TSPEAR: variants seen among roughly 807,000 people sequenced by gnomAD.
The protein encoded by TSPEAR is thrombospondin-type laminin G domain and EAR repeat-containing protein.
TSPEAR carries 69 observed loss-of-function variants against 71.6 expected under a neutral mutation model. The ratio of observed to expected loss-of-function variants is 0.96; its 90% confidence interval spans 0.79 to 1.18. TSPEAR has a LOEUF of 1.18. Ranked by LOEUF, TSPEAR falls within the 50% of genes most tolerant of loss-of-function variation. The pLI is 0.00. For missense variants in TSPEAR, 971 were observed against 894.9 expected, an observed-to-expected ratio of 1.09 and a Z score of -1.09; for synonymous variants, 402 against 387.2, an observed-to-expected ratio of 1.04 and a Z score of -0.45.
chr21:44,568,679 G>A (rs1555922108), intron 1 of TSPEAR, among the ~76,000 whole-genome samples: 1 of 152,204 alleles, frequency 6.6e-6, no homozygotes, highest in Non-Finnish European at 1.5e-5. Flanking sequence ...CTGCAGATCA[G>A]ATCCCTGGCC....
chr21:44,539,726 C>G, intron 2 of TSPEAR: 2 of 1,610,178 alleles, frequency 1.2e-6, no homozygotes, highest in Non-Finnish European at 1.7e-6. Context: ...AACAGGCACA[C>G]AGCAGGACTG....
intron 1 of TSPEAR, among the ~76,000 whole-genome samples, chr21:44,653,707 A>C (rs782143768): frequency 2.6e-5 from 4 of 152,340 alleles, no homozygotes; most frequent in African/African-American, 9.6e-5. Flanking sequence ...ATTTGTCCTC[A>C]ATCTCACCCA....
At chr21:44,583,722 C>T (rs587758918) in intron 1 of TSPEAR, among the ~76,000 whole-genome samples, 7 of 152,174 alleles carry the variant, frequency 4.6e-5, no homozygotes, top group Admixed American at 1.3e-4. Context: ...ATCCCTTTTT[C>T]CCCAGCTTTA....
In TSPEAR at chr21:44,612,619, C is replaced by T. The variant is rs782680735; in HGVS notation, c.83-44614G>A. ...GCTGTGTGCCCATCTGCTGCAAGCCCATCTGCTGTGTGCCTGTCTGCTCTG... is the reference window on the plus strand; with the variant it reads ...GCTGTGTGCCCATCTGCTGCAAGCCTATCTGCTGTGTGCCTGTCTGCTCTG... On this transcript the variant is annotated intron_variant, in intron 1 of 11. Transcript: ENST00000323084. The surrounding 1 kb of genome is among the most constrained non-coding windows in gnomAD (Gnocchi z 4.1). 2 of 1,613,922 alleles carry T rather than the reference C, an allele frequency of 1.2e-6. No homozygotes were observed. The highest frequency in any genetic ancestry group is 2.2e-5 in the East Asian group (1 of 44,888).
intron 1 of TSPEAR, chr21:44,702,740 GC>G: frequency 3.5e-6 from 5 of 1,423,292 alleles, no homozygotes; most frequent in Non-Finnish European, 4.9e-6. Flanking sequence ...CTCCTCTGCC[GC>G]CGTGTGTGCT....
chr21:44,513,765 CAGGGG>C (rs782202429), intron 9 of TSPEAR, among the ~76,000 whole-genome samples: 15 of 152,260 alleles, frequency 9.9e-5, no homozygotes, highest in Admixed American at 3.3e-4. Context: ...CTGGGAATGC[CAGGGG>C]AGGGGAGGGA....
At chr21:44,532,507 G>A (rs782752092) in intron 3 of TSPEAR, among the ~76,000 whole-genome samples, 1 of 152,230 alleles carries the variant, frequency 6.6e-6, no homozygotes, top group Non-Finnish European at 1.5e-5. Flanking sequence ...TAAAGAGTTT[G>A]GGGTATGGTG....
intron 1 of TSPEAR, among the ~76,000 whole-genome samples, chr21:44,625,096 G>A (rs932913870): frequency 3.9e-5 from 6 of 152,232 alleles, no homozygotes; most frequent in Non-Finnish European, 8.8e-5. Flanking sequence ...ATTACTCTTC[G>A]ATAATTTCTC....
intron 1 of TSPEAR, chr21:44,647,534 A>G: frequency 1.3e-6 from 1 of 753,576 alleles, no homozygotes. Context: ...GAGACAACCC[A>G]CAAATCCCTC....
chr21:44,654,278 A>G, intron 1 of TSPEAR: 1 of 1,612,786 alleles, frequency 6.2e-7, no homozygotes. Flanking sequence ...CCACCTGCTC[A>G]GCAGCCAGTG....
chr21:44,638,005 T>G (rs782330339), intron 1 of TSPEAR: 1 of 1,613,094 alleles, frequency 6.2e-7, no homozygotes, highest in Non-Finnish European at 8.5e-7. Flanking sequence ...TCTGCCACCC[T>G]GTGTGCAAGT....
intron 1 of TSPEAR, among the ~76,000 whole-genome samples, chr21:44,696,646 CAAG>C (rs1326849540): frequency 2.0e-5 from 3 of 152,310 alleles, no homozygotes; most frequent in African/African-American, 4.8e-5. Flanking sequence ...GAATATAAAA[CAAG>C]AAGAAAAACA....
intron 1 of TSPEAR, among the ~76,000 whole-genome samples, chr21:44,597,180 T>G (rs1372943552): frequency 2.0e-5 from 3 of 152,054 alleles, no homozygotes; most frequent in Non-Finnish European, 4.4e-5. Context: ...AAAAACAGTT[T>G]TTTATTTTAA....
chr21:44,561,723 C>T (rs987077984), intron 2 of TSPEAR, among the ~76,000 whole-genome samples: 4 of 152,126 alleles, frequency 2.6e-5, no homozygotes, highest in Non-Finnish European at 4.4e-5. Context: ...GAACCAATGA[C>T]GAAAACCACA....
intron 1 of TSPEAR, among the ~76,000 whole-genome samples, chr21:44,691,758 C>G (rs1274912648): frequency 1.3e-5 from 2 of 152,168 alleles, no homozygotes; most frequent in Non-Finnish European, 2.9e-5. Context: ...CCAACAACAG[C>G]TTTACTGGTG....
intron 1 of TSPEAR, among the ~76,000 whole-genome samples, chr21:44,707,116 G>A (rs1266056080): frequency 2.0e-5 from 3 of 152,336 alleles, no homozygotes; most frequent in East Asian, 3.9e-4. Context: ...GGGGTTGGGC[G>A]AGCACCCCTA....
intron 1 of TSPEAR, chr21:44,579,984 A>G (rs1409792343): frequency 1.2e-6 from 2 of 1,613,364 alleles, no homozygotes; most frequent in Non-Finnish European, 1.7e-6. Flanking sequence ...TGCTGGCAGC[A>G]TGAAGTGGAA....
chr21:44,647,101 C>T (rs369473800), intron 1 of TSPEAR: 130 of 1,611,024 alleles, frequency 8.1e-5, no homozygotes, highest in Middle Eastern at 1.7e-4. Flanking sequence ...TTCCTCTTCA[C>T]GCTGCCAGCA....
intron 1 of TSPEAR, chr21:44,678,054 G>A (rs953233529): frequency 1.3e-4 from 95 of 714,532 alleles, no homozygotes; most frequent in Non-Finnish European, 2.2e-4. Flanking sequence ...GGGCCACAGC[G>A]GTCACACTCG....
Sources: gnomAD v4.1 joint callset for allele counts (sites outside exome capture counted in the v4.1 genomes callset) on GRCh38, gnomAD v4.1.1 for gene constraint, Gnocchi (gnomAD v3.1) non-coding constraint, MANE v1.5 for transcripts, NCBI Gene and HGNC (gene_info 2026-07-23, HGNC 2026-07-21) for gene names.